ARHGAP6: variants seen among roughly 807,000 people sequenced by gnomAD.
ARHGAP6 encodes rho GTPase-activating protein 6.
A neutral mutation model predicts 55.7 loss-of-function variants in ARHGAP6; 16 were observed. The observed-to-expected ratio is 0.29, with a 90% CI of 0.19 to 0.44. The LOEUF (loss-of-function observed/expected upper bound fraction) is 0.44, where lower values mean the gene tolerates loss of function less well. ARHGAP6 is among the 20% of genes least tolerant of loss of function. The pLI is 1.00. For synonymous variants in ARHGAP6, 382 were observed against 360.9 expected (o/e 1.06, Z -0.66); for missense variants, 698 against 808.9 (o/e 0.86, Z 1.66).
chrX:11,279,511 C>G (rs1008095071), intron 1 of ARHGAP6, among the ~76,000 whole-genome samples: 9 of 110,640 alleles, frequency 8.1e-5, no homozygotes, highest in Non-Finnish European at 1.7e-4. Context: ...TGTCTTCCAT[C>G]ATAGCACTTA....
At chrX:11,593,895 T>C (rs1361544230) in intron 1 of ARHGAP6, among the ~76,000 whole-genome samples, 1 of 112,199 alleles carries the variant, frequency 8.9e-6, no homozygotes, top group African/African-American at 3.2e-5. Context: ...AAAATAAAAA[T>C]GCAGAGCCAC....
intron 1 of ARHGAP6, among the ~76,000 whole-genome samples, chrX:11,647,944 T>C (rs1291517476): frequency 8.9e-6 from 1 of 111,985 alleles, no homozygotes; most frequent in East Asian, 2.8e-4. Context: ...GCCAACCTGA[T>C]GTAATGTGAG....
chrX:11,492,883 C>T (rs1187506342), intron 1 of ARHGAP6, among the ~76,000 whole-genome samples: 2 of 111,901 alleles, frequency 1.8e-5, no homozygotes, highest in Non-Finnish European at 3.8e-5. Flanking sequence ...AAGCTTTTTC[C>T]CAGCCTTGTC....
At chrX:11,311,121 G>A (rs1000590943) in intron 1 of ARHGAP6, among the ~76,000 whole-genome samples, 2 of 111,173 alleles carry the variant, frequency 1.8e-5, no homozygotes, top group African/African-American at 3.3e-5. Flanking sequence ...GCCTCCAGGG[G>A]CCATTGTGCA....
intron 1 of ARHGAP6, among the ~76,000 whole-genome samples, chrX:11,273,862 T>C (rs1041156367): frequency 2.7e-5 from 3 of 111,798 alleles, no homozygotes; most frequent in African/African-American, 9.7e-5. Flanking sequence ...CTTGTACATA[T>C]AGTGTGTACC....
Position 11,334,852 on chromosome X carries a change from C to A in ARHGAP6, c.589-80145G>T, listed in dbSNP as rs139358109. The A allele has an allele frequency of 5.2e-3, 879 of 168,707 alleles. 17 individuals carry two copies. The Admixed American group carries it at 0.059, about 11-fold the overall frequency. 13.9% of individuals were successfully genotyped at this position (168,707 alleles called of 1,213,427 possible). On this transcript the variant is annotated intron_variant, in intron 1 of 12. Coordinates refer to ENST00000337414, the MANE Select transcript of ARHGAP6 (RefSeq NM_013427.3). ...ATTATTATTTCCTTTCACTGCTTTG[C>A]ATGAGGGTCCCAGGCATGCAGGAGA...
intron 1 of ARHGAP6, among the ~76,000 whole-genome samples, chrX:11,454,110 A>ATTTT (rs1187605203): frequency 5.2e-5 from 4 of 76,852 alleles, no homozygotes; most frequent in East Asian, 7.5e-4. Context: ...CGCACGGCTA[A>ATTTT]TTTTTTTTTT....
At chrX:11,253,881 G>C (rs567248318) in intron 2 of ARHGAP6, among the ~76,000 whole-genome samples, 38 of 106,187 alleles carry the variant, frequency 3.6e-4, no homozygotes, top group African/African-American at 1.3e-3. Context: ...CTCCAGCCTG[G>C]CAACAGAGCG....
At chrX:11,442,608 G>C (rs1339044276) in intron 1 of ARHGAP6, among the ~76,000 whole-genome samples, 1 of 111,913 alleles carries the variant, frequency 8.9e-6, no homozygotes, top group Admixed American at 9.5e-5. Flanking sequence ...TCCACATTCA[G>C]CTTCTTTGCA....
chrX:11,354,007 G>A (rs920758382), intron 1 of ARHGAP6, among the ~76,000 whole-genome samples: 1 of 110,605 alleles, frequency 9.0e-6, no homozygotes, highest in African/African-American at 3.3e-5. Context: ...TGGATTTTTG[G>A]TGCCTGCTGG....
intron 1 of ARHGAP6, among the ~76,000 whole-genome samples, chrX:11,447,874 T>C (rs907323528): frequency 4.5e-5 from 5 of 112,212 alleles, no homozygotes; most frequent in Non-Finnish European, 9.4e-5. Context: ...TATAAAGAAT[T>C]TGGTTGACAT....
Position 11,258,283 on chromosome X carries a change from C to G in ARHGAP6, c.589-3576G>C, listed in dbSNP as rs1009594129. Among the ~76,000 whole-genome samples the G allele has an allele frequency of 2.7e-5, 3 of 109,134 alleles. No homozygotes were observed. The Admixed American group carries it at 3.0e-4, about 11-fold the overall frequency. 94.8% of individuals were successfully genotyped at this position (109,134 alleles called of 115,157 possible). On this transcript the variant is annotated intron_variant, in intron 1 of 12. Coordinates refer to ENST00000337414, the MANE Select transcript of ARHGAP6 (RefSeq NM_013427.3). ...GAACAGACACGGGAGAAACTTAGAA[C>G]CACATAGATGCTAGAGAATAAACTG...
rs1301687036 is a variant in ARHGAP6, at chrX:11,467,988, GAATGAATAAATAAATA to G, written c.588+196237_588+196252del. ...GAACAAGACTCTGTCTTAAATGAATGAATGAATAAATAAATAAATAAATAAATAAATAAATAAATAA... is the reference window on the plus strand; with the variant it reads ...GAACAAGACTCTGTCTTAAATGAATGAATAAATAAATAAATAAATAAATAA... On this transcript the variant is annotated intron_variant, in intron 1 of 12. Coordinates refer to ENST00000337414, the MANE Select transcript of ARHGAP6 (RefSeq NM_013427.3). 1.1e-3 allele frequency among the ~76,000 whole-genome samples: 93 copies of G among 82,813 alleles called. No individual in the cohort carries two copies. In the South Asian group the frequency reaches 0.015, roughly 14 times the overall value. 71.9% of individuals were successfully genotyped at this position (82,813 alleles called of 115,157 possible).
At chrX:11,652,098 G>C (rs1233323374) in intron 1 of ARHGAP6, among the ~76,000 whole-genome samples, 1 of 112,141 alleles carries the variant, frequency 8.9e-6, no homozygotes. Flanking sequence ...TTACTGTGTT[G>C]ATAGTTTCTT....
intron 1 of ARHGAP6, among the ~76,000 whole-genome samples, chrX:11,288,582 A>G (rs1040418376): frequency 1.8e-5 from 2 of 112,169 alleles, no homozygotes; most frequent in South Asian, 3.7e-4. Context: ...AGATTGTGCA[A>G]CCATCACCAC....
At chrX:11,249,668 G>C (rs2047397585) in intron 2 of ARHGAP6, among the ~76,000 whole-genome samples, 1 of 111,739 alleles carries the variant, frequency 8.9e-6, no homozygotes, top group African/African-American at 3.2e-5. Flanking sequence ...GTATTTTTCT[G>C]TGAGCCACCT....
intron 1 of ARHGAP6, among the ~76,000 whole-genome samples, chrX:11,508,480 C>G (rs866518230): frequency 2.6e-4 from 29 of 111,643 alleles, no homozygotes; most frequent in South Asian, 3.8e-4. Context: ...GAGATGCAGG[C>G]TTGCCCTGAC....
intron 1 of ARHGAP6, among the ~76,000 whole-genome samples, chrX:11,531,940 T>G (rs5933898): frequency 0.022 from 2,435 of 112,456 alleles, 32 homozygotes; most frequent in Middle Eastern, 0.06. Flanking sequence ...CAGGCCCCAT[T>G]GTGCTGGTAA....
chrX:11,320,871 T>TAC (rs1215768134), intron 1 of ARHGAP6, among the ~76,000 whole-genome samples: 3 of 109,197 alleles, frequency 2.7e-5, no homozygotes, highest in South Asian at 8.0e-4. Flanking sequence ...TGTATATATA[T>TAC]ACACATACAC....
Sources: allele counts gnomAD v4.1 joint callset (sites outside exome capture counted in the v4.1 genomes callset), GRCh38; gene constraint gnomAD v4.1.1; transcripts MANE v1.5; gene names NCBI Gene and HGNC (gene_info 2026-07-23, HGNC 2026-07-21).